The following RCC2 variants were observed in gnomAD, a reference collection of about 807,000 sequenced individuals.
RCC2 encodes the protein protein RCC2.
A neutral mutation model predicts 64.1 loss-of-function variants in RCC2; 19 were observed. The ratio of observed to expected loss-of-function variants is 0.30; its 90% confidence interval spans 0.21 to 0.44. The LOEUF (loss-of-function observed/expected upper bound fraction) is 0.44. RCC2 is among the 20% of genes least tolerant of loss of function. The probability of loss-of-function intolerance (pLI) is 1.00; values close to 1 mark genes in which losing one functional copy is unlikely to be tolerated. For synonymous variants in RCC2, 325 were observed against 279.6 expected (o/e 1.16, Z -1.62); for missense variants, 508 against 710.4 (o/e 0.72, Z 3.24).
At position 17,438,317 on chromosome 1, in the gene RCC2, G is replaced by C. The variant is rs2075764611; in HGVS notation, c.198C>G (p.Gly66=). 8.1e-7 allele frequency: 1 copy of C among 1,237,432 alleles called. No individual in the cohort carries two copies. Among genetic ancestry groups the C allele is most frequent in the Non-Finnish European group, 1.0e-6 (1 of 984,210 alleles). 76.7% of individuals were successfully genotyped at this position (1,237,432 alleles called of 1,614,324 possible). ...GLELDGAPGG[G]KRAARPATAG... ...CTGTCGCCGGCCGCGCCGCGCGCTT[G>C]CCCCCGCCGGGGGCCCCGTCGAGCT... The change falls in exon 2 of 13, where the codon GGC becomes GGG. Residue 66 remains glycine (G), a synonymous_variant. Transcript: ENST00000375436.
In RCC2 at chr1:17,422,854, G is replaced by T. The variant is rs1054767756; in HGVS notation, c.524-18C>A. 6.8e-6 allele frequency: 11 copies of T among 1,613,684 alleles called. No individual in the cohort carries two copies. The highest frequency in any genetic ancestry group is 2.7e-5 in the African/African-American group (2 of 75,056). ...ATTTCGACCTGCAGATCACATGAGA[G>T]AAAGTAGAAAAGAGAGAGGGTGGTC... On this transcript the variant is annotated intron_variant, in intron 4 of 12. Coordinates refer to ENST00000375436, the MANE Select transcript of RCC2 (RefSeq NM_018715.4).
chr1:17,413,220 G>A (rs1387050953), intron 9 of RCC2, 42 bp from the exon 10 acceptor site: 7 of 1,364,206 alleles, frequency 5.1e-6, no homozygotes, highest in South Asian at 2.4e-5. Flanking sequence ...ACCAGACATC[G>A]AGAGCTGAGT....
At chr1:17,421,322 C>T (rs926675569) in intron 6 of RCC2, among the ~76,000 whole-genome samples, 2 of 152,034 alleles carry the variant, frequency 1.3e-5, no homozygotes, top group African/African-American at 4.8e-5. Context: ...TGGTGAAACC[C>T]CATCTCTACT....
intron 4 of RCC2, among the ~76,000 whole-genome samples, chr1:17,423,328 C>A (rs2075576213): frequency 6.6e-6 from 1 of 152,224 alleles, no homozygotes; most frequent in African/African-American, 2.4e-5. Flanking sequence ...TATTTCTCTT[C>A]CTTTTTCTAC....
chr1:17,435,155 A>T (rs1012845088), intron 2 of RCC2, among the ~76,000 whole-genome samples: 1 of 152,102 alleles, frequency 6.6e-6, no homozygotes, highest in Non-Finnish European at 1.5e-5. Flanking sequence ...TGGCCGTGAG[A>T]GCGGAGGAAA....
intron 2 of RCC2, among the ~76,000 whole-genome samples, chr1:17,432,601 C>T (rs1319468847): frequency 6.6e-6 from 1 of 152,236 alleles, no homozygotes; most frequent in Non-Finnish European, 1.5e-5. Flanking sequence ...AGTGCTGAGG[C>T]CACACCAGAA....
intron 1 of RCC2, among the ~76,000 whole-genome samples, chr1:17,439,151 A>G (rs914965485): frequency 2.0e-5 from 3 of 152,168 alleles, no homozygotes; most frequent in African/African-American, 7.2e-5. Context: ...AGCCCGAAGA[A>G]AGCTGGACCC....
intron 5 of RCC2, 96 bp downstream of exon 5, chr1:17,422,609 C>A: frequency 6.7e-7 from 1 of 1,485,258 alleles, no homozygotes; most frequent in Non-Finnish European, 9.2e-7. Context: ...GACCAAGAGT[C>A]ACAAGGGGAA....
chr1:17,431,499 C>CAAAAAAAA (rs558362245), intron 2 of RCC2, among the ~76,000 whole-genome samples: 13 of 57,862 alleles, frequency 2.2e-4, no homozygotes, highest in Non-Finnish European at 3.1e-4. Flanking sequence ...AGCCCTGTCT[C>CAAAAAAAA]AAAAAAAAAA....
chr1:17,421,690 C>G (rs180822470), intron 6 of RCC2, among the ~76,000 whole-genome samples: 1 of 152,250 alleles, frequency 6.6e-6, no homozygotes, highest in African/African-American at 2.4e-5. Context: ...AAAATGTTTT[C>G]AGGATGGTTT....
intron 7 of RCC2, among the ~76,000 whole-genome samples, chr1:17,419,354 G>C (rs1223315481): frequency 6.6e-6 from 1 of 152,150 alleles, no homozygotes; most frequent in African/African-American, 2.4e-5. Flanking sequence ...GGGAGACTCC[G>C]TCTTTCTTAT....
rs368688395 is a variant in RCC2 at position 17,416,491 on chromosome 1, C to T, written c.1015G>A (p.Ala339Thr). The T allele has an allele frequency of 8.1e-6, 13 of 1,610,242 alleles. No individual in the cohort carries two copies. The highest frequency in any genetic ancestry group is 2.2e-5 in the East Asian group (1 of 44,812). ...AAGCCGAGCCTCACCGTGTGGTTAG[C>T]GCCACAGGCCACGTCTCGTACAACC... is the stretch of plus-strand genomic sequence containing the variant. ...NVVVRDVACG[A>T]NHTLVLDSQK... Residue 339 changes from alanine to threonine, a missense_variant, in exon 8 of 13, where the codon GCT becomes ACT. Around this residue, in one of 4 missense-constraint regions of RCC2, gnomAD observed 179 missense variants for 322.0 expected, o/e 0.56. Transcript: ENST00000375436.
At chr1:17,437,241 G>C (rs1353283567) in intron 2 of RCC2, among the ~76,000 whole-genome samples, 1 of 152,208 alleles carries the variant, frequency 6.6e-6, no homozygotes, top group Non-Finnish European at 1.5e-5. Flanking sequence ...ACCCTTAGGA[G>C]ATGGGCACTT....
intron 4 of RCC2, among the ~76,000 whole-genome samples, chr1:17,424,136 C>T (rs1282773048): frequency 6.6e-6 from 1 of 152,226 alleles, no homozygotes; most frequent in Non-Finnish European, 1.5e-5. Context: ...GATGGAGACC[C>T]CACATGAGCA....
intron 7 of RCC2, among the ~76,000 whole-genome samples, 166 bp downstream of exon 7, chr1:17,420,548 T>C (rs1180252323): frequency 6.6e-6 from 1 of 152,210 alleles, no homozygotes; most frequent in Admixed American, 6.5e-5. Context: ...ATCCTGTGAA[T>C]GAGGACGCGC....
rs555953838 is a variant in RCC2 at position 17,432,431 on chromosome 1, G to A, written c.286-3232C>T. 1.0e-3 allele frequency among the ~76,000 whole-genome samples: 154 copies of A among 152,366 alleles called. No homozygotes were observed. In the Middle Eastern group the frequency reaches 0.01, roughly 10 times the overall value. On this transcript the variant is annotated intron_variant, in intron 2 of 12. Transcript: ENST00000375436. ...CCAGGAAGGGTGCTAAGGCACTGGA[G>A]ACCAAGCTCCCAGGCCAGAGGGCAA...
chr1:17,418,381 G>T (rs187935343), intron 7 of RCC2, among the ~76,000 whole-genome samples: 7 of 152,128 alleles, frequency 4.6e-5, no homozygotes, highest in Non-Finnish European at 1.0e-4. Context: ...GGTCTTGGCC[G>T]GGCGCGGTGG....
chr1:17,437,392 A>T (rs1310667267), intron 2 of RCC2, among the ~76,000 whole-genome samples: 1 of 151,334 alleles, frequency 6.6e-6, no homozygotes, highest in Non-Finnish European at 1.5e-5. Context: ...AAACTTAAAG[A>T]AAGTTCTGTG....
At chr1:17,411,303 G>A (rs901478803) in intron 11 of RCC2, among the ~76,000 whole-genome samples, 3 of 152,196 alleles carry the variant, frequency 2.0e-5, no homozygotes, top group African/African-American at 7.2e-5. Flanking sequence ...TTGGCCAGGT[G>A]CAGTGGCTCA....
Sources: gnomAD v4.1 joint callset for allele counts (sites outside exome capture counted in the v4.1 genomes callset) on GRCh38, gnomAD v4.1.1 for gene constraint, gnomAD v4.1.1 regional missense constraint, MANE v1.5 for transcripts, NCBI Gene and HGNC (gene_info 2026-07-23, HGNC 2026-07-21) for gene names.